FZD3: variants seen among roughly 807,000 people sequenced by gnomAD.
The protein encoded by FZD3 is frizzled-3.
In FZD3, 30 loss-of-function variants were observed where a neutral mutation model predicts 60.7. The ratio of observed to expected loss-of-function variants is 0.49; its 90% CI spans 0.37 to 0.67. The LOEUF is 0.67. Ranked by LOEUF, FZD3 falls within the 30% of genes least tolerant of loss-of-function variation. The probability of loss-of-function intolerance (pLI) is 0.00; values close to 1 mark genes in which losing one functional copy is unlikely to be tolerated. For missense variants in FZD3, 605 were observed against 838.7 expected (o/e 0.72, Z 3.44); for synonymous variants, 246 against 275.2 (o/e 0.89, Z 1.05).
At chr8:28,543,806 C>A (rs1442512302) in intron 5 of FZD3, among the ~76,000 whole-genome samples, 1 of 151,820 alleles carries the variant, frequency 6.6e-6, no homozygotes. Context: ...AGGAAAATAA[C>A]TTTTGTAGCA....
At chr8:28,500,755 A>G (rs1363517728) in intron 2 of FZD3, among the ~76,000 whole-genome samples, 2 of 152,104 alleles carry the variant, frequency 1.3e-5, no homozygotes, top group East Asian at 3.9e-4. Flanking sequence ...ACTGTGGTTA[A>G]TACCAGTTTT....
intron 3 of FZD3, among the ~76,000 whole-genome samples, chr8:28,510,429 A>C (rs78229288): frequency 0.024 from 3,620 of 152,260 alleles, 183 homozygotes; most frequent in African/African-American, 0.082. Flanking sequence ...GTAATGTGTG[A>C]GAGTATCTGT....
chr8:28,519,585 C>T (rs1014377880), intron 3 of FZD3, among the ~76,000 whole-genome samples: 35 of 151,860 alleles, frequency 2.3e-4, no homozygotes, highest in African/African-American at 8.5e-4. Flanking sequence ...CAAAAATTAA[C>T]CCTGTGTGGT....
intron 6 of FZD3, among the ~76,000 whole-genome samples, chr8:28,554,156 A>G (rs1462361464): frequency 6.6e-6 from 1 of 152,248 alleles, no homozygotes; most frequent in Non-Finnish European, 1.5e-5. Context: ...ACATAGATTT[A>G]AATATTTTTA....
chr8:28,508,641 C>T (rs1309744302), intron 3 of FZD3, among the ~76,000 whole-genome samples: 1 of 151,942 alleles, frequency 6.6e-6, no homozygotes, highest in Non-Finnish European at 1.5e-5. Context: ...GCTGGGACTA[C>T]AGGTGTATGC....
At chr8:28,530,089 C>CTG (rs59022036) in intron 5 of FZD3, among the ~76,000 whole-genome samples, 6,110 of 138,276 alleles carry the variant, frequency 0.044, 105 homozygotes, top group Middle Eastern at 0.066. Flanking sequence ...TGAAATATAT[C>CTG]TGTGTGTGTG....
chr8:28,537,701 C>G (rs1200550884), intron 5 of FZD3, among the ~76,000 whole-genome samples: 1 of 152,194 alleles, frequency 6.6e-6, no homozygotes, highest in Non-Finnish European at 1.5e-5. Flanking sequence ...TTTGATCATT[C>G]TTTTATAACA....
chr8:28,541,170 A>G (rs1805156953), intron 5 of FZD3, among the ~76,000 whole-genome samples: 1 of 151,908 alleles, frequency 6.6e-6, no homozygotes, highest in African/African-American at 2.4e-5. Flanking sequence ...TTATAAGGGG[A>G]CACTCCTTCT....
chr8:28,504,401 G>A (rs752993124), intron 3 of FZD3, among the ~76,000 whole-genome samples: 1 of 152,176 alleles, frequency 6.6e-6, no homozygotes, highest in Non-Finnish European at 1.5e-5. Context: ...TCTTTGCTAT[G>A]TATTAAAGCT....
At chr8:28,517,764 C>T (rs73230970) in intron 3 of FZD3, among the ~76,000 whole-genome samples, 8,188 of 152,082 alleles carry the variant, frequency 0.054, 281 homozygotes, top group Non-Finnish European at 0.078. Flanking sequence ...TGCTTAAATT[C>T]TAATTTTCTG....
chr8:28,538,602 T>C (rs944681872), intron 5 of FZD3, among the ~76,000 whole-genome samples: 2 of 152,152 alleles, frequency 1.3e-5, no homozygotes, highest in African/African-American at 2.4e-5. Context: ...AACACAGGTC[T>C]GAGTATTTGG....
Position 28,566,984 on chromosome 8 carries a change from A to G in FZD3, c.*3973A>G, listed in dbSNP as rs1468587640. The G allele has an allele frequency of 1.3e-5, 2 of 152,076 alleles. No individual in the cohort carries two copies. The highest frequency in any genetic ancestry group is 2.9e-5 in the Non-Finnish European group (2 of 68,022). The allele number at this position is 152,076 out of a possible 1,614,324, so 9.4% of individuals were successfully genotyped here. On this transcript the variant is annotated 3_prime_UTR_variant, in exon 8 of 8. Coordinates refer to ENST00000240093, the MANE Select transcript of FZD3 (RefSeq NM_017412.4). Reference sequence around the variant, plus strand: ...CTGTAACCCATAAATTATTCTACTTAAAAAAATTTTTTATAGAGACAGGGT... The same window carrying G: ...CTGTAACCCATAAATTATTCTACTTGAAAAAATTTTTTATAGAGACAGGGT...
intron 1 of FZD3, among the ~76,000 whole-genome samples, chr8:28,498,641 A>G (rs893037069): frequency 6.6e-6 from 1 of 152,180 alleles, no homozygotes; most frequent in Non-Finnish European, 1.5e-5. Flanking sequence ...GCAGTAGTAC[A>G]GTCTCCACTC....
intron 3 of FZD3, chr8:28,504,997 A>G (rs964016348): frequency 4.6e-5 from 7 of 153,396 alleles, no homozygotes; most frequent in Admixed American, 1.3e-4. Context: ...GAAGGCTCTA[A>G]TGACTTGAAG....
In FZD3 at chr8:28,539,116, G is replaced by A. The variant is rs148231768; in HGVS notation, c.1404+10952G>A. 8.5e-5 allele frequency among the ~76,000 whole-genome samples: 13 copies of A among 152,214 alleles called. No individual in the cohort carries two copies. The East Asian group carries it at 1.2e-3, about 14-fold the overall frequency. On this transcript the variant is annotated intron_variant, in intron 5 of 7. Coordinates refer to ENST00000240093, the MANE Select transcript of FZD3 (RefSeq NM_017412.4). Reference sequence around the variant, plus strand: ...TATCAGGGATCCCCTACCCCCGAGCGATGGACCAGTATAGGTCCACACAGC... The same window carrying A: ...TATCAGGGATCCCCTACCCCCGAGCAATGGACCAGTATAGGTCCACACAGC...
intron 5 of FZD3, among the ~76,000 whole-genome samples, chr8:28,534,497 G>C (rs965720240): frequency 1.3e-5 from 2 of 152,296 alleles, no homozygotes; most frequent in South Asian, 4.1e-4. Context: ...AGGCTTCAGA[G>C]AGCTGTGATT....
intron 3 of FZD3, among the ~76,000 whole-genome samples, chr8:28,507,055 G>A (rs1804160370): frequency 6.6e-6 from 1 of 152,126 alleles, no homozygotes; most frequent in African/African-American, 2.4e-5. Context: ...CCTCCGAAAA[G>A]TAAGGTATCT....
At chr8:28,509,104 G>A (rs1036575875) in intron 3 of FZD3, among the ~76,000 whole-genome samples, 1 of 151,942 alleles carries the variant, frequency 6.6e-6, no homozygotes, top group African/African-American at 2.4e-5. Flanking sequence ...TCTTCATGTG[G>A]TTAAACACAA....
chr8:28,560,690 A>G (rs1299522491), intron 7 of FZD3, among the ~76,000 whole-genome samples: 1 of 152,162 alleles, frequency 6.6e-6, no homozygotes. Context: ...CATTTGCCAT[A>G]TTTATTTGAG....
Sources: allele counts gnomAD v4.1 joint callset (sites outside exome capture counted in the v4.1 genomes callset), GRCh38; gene constraint gnomAD v4.1.1; transcripts MANE v1.5; gene names NCBI Gene and HGNC (gene_info 2026-07-23, HGNC 2026-07-21).